PDE4D: variants seen among roughly 807,000 people sequenced by gnomAD.
PDE4D encodes 3',5'-cyclic-AMP phosphodiesterase 4D.
PDE4D carries 24 observed loss-of-function variants against 87.4 expected under a neutral mutation model. That is an observed-to-expected ratio of 0.27 (90% CI 0.20 to 0.39). The LOEUF (loss-of-function observed/expected upper bound fraction) is 0.39, where lower values mean the gene tolerates loss of function less well. Among genes scored for constraint, PDE4D ranks in the 10% least tolerant of loss-of-function variants. The probability of loss-of-function intolerance (pLI) is 1.00; values close to 1 mark genes in which losing one functional copy is unlikely to be tolerated. For missense variants in PDE4D, 714 were observed against 1,041.0 expected (o/e 0.69, Z 4.32); for synonymous variants, 384 against 383.2 (o/e 1.00, Z -0.02).
At chr5:59,078,154 G>A (rs918682554) in intron 5 of PDE4D, among the ~76,000 whole-genome samples, 1 of 152,012 alleles carries the variant, frequency 6.6e-6, no homozygotes, top group Non-Finnish European at 1.5e-5. Flanking sequence ...AAGTATGCAC[G>A]ACAATGTTTA....
intron 5 of PDE4D, among the ~76,000 whole-genome samples, chr5:59,133,239 A>T (rs1424891449): frequency 6.6e-6 from 1 of 152,224 alleles, no homozygotes; most frequent in African/African-American, 2.4e-5. Flanking sequence ...GCTAGGATTC[A>T]TGATTTTCTA....
At chr5:60,455,990 C>T (rs1746439948) in intron 1 of PDE4D, among the ~76,000 whole-genome samples, 1 of 152,162 alleles carries the variant, frequency 6.6e-6, no homozygotes, top group South Asian at 2.1e-4. Flanking sequence ...CTCTTCCCCA[C>T]CTTCAGTTCT....
At chr5:60,147,703 G>C (rs1269720434) in intron 2 of PDE4D, 1 of 447,710 alleles carries the variant, frequency 2.2e-6, no homozygotes, top group Non-Finnish European at 4.5e-6. Context: ...TGCTGCTACT[G>C]CAAGTCTCAA....
intron 9 of PDE4D, among the ~76,000 whole-genome samples, chr5:58,990,175 T>TG (rs1747549215): frequency 6.6e-6 from 1 of 152,150 alleles, no homozygotes; most frequent in Non-Finnish European, 1.5e-5. Context: ...AGGAATGAGG[T>TG]GCCAACTCTA....
intron 1 of PDE4D, among the ~76,000 whole-genome samples, chr5:60,285,592 A>G (rs1439152469): frequency 6.6e-6 from 1 of 152,202 alleles, no homozygotes; most frequent in Admixed American, 6.6e-5. Flanking sequence ...AATTAAAAAA[A>G]TGAAATTTCA....
At chr5:59,744,831 C>A (rs892390763) in intron 1 of PDE4D, among the ~76,000 whole-genome samples, 1 of 152,088 alleles carries the variant, frequency 6.6e-6, no homozygotes, top group Non-Finnish European at 1.5e-5. Context: ...TTTTGTACAG[C>A]AAAGACAGTG....
intron 2 of PDE4D, among the ~76,000 whole-genome samples, chr5:60,131,594 G>C (rs1363592633): frequency 6.6e-6 from 1 of 152,156 alleles, no homozygotes; most frequent in Non-Finnish European, 1.5e-5. Flanking sequence ...AGATTTGCAA[G>C]GCCTAGTGGC....
intron 1 of PDE4D, among the ~76,000 whole-genome samples, chr5:60,250,843 A>G (rs769937104): frequency 1.3e-5 from 2 of 151,946 alleles, no homozygotes; most frequent in Non-Finnish European, 1.5e-5. Context: ...GCATATCAAG[A>G]GGTATTCCAT....
At chr5:60,415,544 C>A (rs914675494) in intron 1 of PDE4D, among the ~76,000 whole-genome samples, 2 of 152,234 alleles carry the variant, frequency 1.3e-5, no homozygotes, top group African/African-American at 2.4e-5. Context: ...TGGGCCCGCA[C>A]TGGGAGCGGC....
chr5:59,662,712 A>G (rs943831222), intron 1 of PDE4D, among the ~76,000 whole-genome samples: 8 of 152,234 alleles, frequency 5.3e-5, no homozygotes, highest in African/African-American at 1.7e-4. Flanking sequence ...TTGAATAATA[A>G]CATATCCGTT....
chr5:60,482,216 GATA>G lies in PDE4D; in HGVS notation c.-90+5723_-90+5725del, dbSNP rs1748783681. Among the ~76,000 whole-genome samples the G allele has an allele frequency of 3.3e-5, 5 of 152,198 alleles. No individual in the cohort carries two copies. In the South Asian group the frequency reaches 1.0e-3, roughly 32 times the overall value. On this transcript the variant is annotated intron_variant, in intron 1 of 16. Transcript: ENST00000502484. ...GCTCACCCTCTTTCTGCCATGTGAA[GATA>G]ATAGGAGAAGTCAGCCACTTGCAAC...
chr5:59,452,276 A>G (rs1799281993), intron 1 of PDE4D, among the ~76,000 whole-genome samples: 1 of 152,168 alleles, frequency 6.6e-6, no homozygotes, highest in South Asian at 2.1e-4. Context: ...CTTCTAACAT[A>G]AGATCCGCCT....
chr5:60,415,758 A>G (rs1742468696), intron 1 of PDE4D, among the ~76,000 whole-genome samples: 1 of 152,176 alleles, frequency 6.6e-6, no homozygotes, highest in Non-Finnish European at 1.5e-5. Flanking sequence ...CCCCTGCTCC[A>G]GGGCGCCCAG....
chr5:59,887,005 AG>A (rs1283482202), intron 1 of PDE4D, among the ~76,000 whole-genome samples: 1 of 152,002 alleles, frequency 6.6e-6, no homozygotes, highest in Non-Finnish European at 1.5e-5. Context: ...TAGTGAATAG[AG>A]GATAAGTGCT....
At chr5:59,590,168 G>C (rs996763325) in intron 1 of PDE4D, among the ~76,000 whole-genome samples, 1 of 152,116 alleles carries the variant, frequency 6.6e-6, no homozygotes, top group African/African-American at 2.4e-5. Context: ...ATATTAGAAA[G>C]AGGGTCTTAA....
At chr5:59,174,501 C>G (rs1783514653) in intron 5 of PDE4D, 1 of 152,592 alleles carries the variant, frequency 6.6e-6, no homozygotes, top group Non-Finnish European at 1.5e-5. Flanking sequence ...TTTCCAAAGT[C>G]AAAATCCAGA....
intron 2 of PDE4D, among the ~76,000 whole-genome samples, chr5:60,134,700 C>G (rs1220520191): frequency 6.6e-6 from 1 of 152,090 alleles, no homozygotes; most frequent in African/African-American, 2.4e-5. Flanking sequence ...TGTTGTAATG[C>G]CTAGTATAAC....
rs1776698387 is a variant in PDE4D, at chr5:60,104,924, G to GA, written c.42+80632dup. Among the ~76,000 whole-genome samples, 3 of 152,290 alleles carry GA rather than the reference G, an allele frequency of 2.0e-5. No individual in the cohort carries two copies. The South Asian group carries it at 6.2e-4, about 32-fold the overall frequency. ...CACAAAGATGGGGAAAATCAGAGCA[G>GA]AAAAACTGGAAACTCTAAACAGCAG... On this transcript the variant is annotated intron_variant, in intron 2 of 16. Coordinates refer to the PDE4D transcript ENST00000502484.
At chr5:60,257,661 A>G (rs1562264854) in intron 1 of PDE4D, among the ~76,000 whole-genome samples, 1 of 151,930 alleles carries the variant, frequency 6.6e-6, no homozygotes, top group Non-Finnish European at 1.5e-5. Context: ...ATGCTAGAGA[A>G]AGCACTTCTG....
Sources: gnomAD v4.1 joint callset for allele counts (sites outside exome capture counted in the v4.1 genomes callset) on GRCh38, gnomAD v4.1.1 for gene constraint, MANE v1.5 for transcripts, NCBI Gene and HGNC (gene_info 2026-07-23, HGNC 2026-07-21) for gene names.